STAC: variants seen among roughly 807,000 people sequenced by gnomAD.
The protein encoded by STAC is SH3 and cysteine rich domain.
In STAC, 43 loss-of-function variants were observed where a neutral mutation model predicts 48.8. The observed-to-expected ratio is 0.88, with a 90% CI of 0.69 to 1.14. The LOEUF is 1.14. Ranked by LOEUF, STAC falls within the 50% of genes most tolerant of loss-of-function variation. STAC has a pLI of 0.00. For missense variants in STAC, 497 were observed against 504.0 expected (o/e 0.99, Z 0.13); for synonymous variants, 193 against 179.5 (o/e 1.07, Z -0.60).
chr3:36,483,233 T>A lies in STAC; in HGVS notation c.489+141T>A, dbSNP rs1000487381. On this transcript the variant is annotated intron_variant, in intron 3 of 10. Transcript: ENST00000273183. Reference sequence around the variant, plus strand: ...ACTGGCTGCCAGCTTGGCTTCCTAATTGGCGTAATCAGAAAACAAGGACAA... The same window carrying A: ...ACTGGCTGCCAGCTTGGCTTCCTAAATGGCGTAATCAGAAAACAAGGACAA... 4.9e-6 allele frequency: 3 copies of A among 612,060 alleles called. No individual in the cohort carries two copies. In the African/African-American group the frequency reaches 5.6e-5, roughly 11 times the overall value. The allele number at this position is 612,060 out of a possible 1,614,324, so 37.9% of individuals were successfully genotyped here. A position where few individuals can be genotyped will look rare whatever the true frequency, so the allele number is the denominator to read the frequency against.
intron 2 of STAC, among the ~76,000 whole-genome samples, chr3:36,456,541 T>C (rs1224112800): frequency 1.3e-5 from 2 of 152,166 alleles, no homozygotes; most frequent in East Asian, 3.9e-4. Flanking sequence ...ATAGGGACCA[T>C]GCGAAGCTGC....
At chr3:36,466,026 T>G (rs1183975638) in intron 2 of STAC, among the ~76,000 whole-genome samples, 1 of 152,174 alleles carries the variant, frequency 6.6e-6, no homozygotes, top group African/African-American at 2.4e-5. Flanking sequence ...ATATTTATGG[T>G]TTCAGGTCTT....
chr3:36,534,297 T>A (rs1358151785), intron 10 of STAC, among the ~76,000 whole-genome samples: 1 of 152,156 alleles, frequency 6.6e-6, no homozygotes, highest in Non-Finnish European at 1.5e-5. Flanking sequence ...GCACAGTGCC[T>A]GGCCACCACA....
In STAC at chr3:36,443,796, T is replaced by C. The variant is rs1040237807; in HGVS notation, c.388+156T>C. On this transcript the variant is annotated intron_variant, in intron 2 of 10. Coordinates refer to ENST00000273183, the MANE Select transcript of STAC (RefSeq NM_003149.3). This position sits in a 1 kb window ranked among gnomAD's most constrained non-coding sequence, Gnocchi z 4.2. ...GGAGTGCTTTGGGGAACAATATTTG[T>C]GAGAAGGTAAGGGAAGCAGCACTGG... is the stretch of plus-strand genomic sequence containing the variant. Among the ~76,000 whole-genome samples the C allele has an allele frequency of 6.6e-6, 1 of 152,136 alleles. No homozygotes were observed. Among genetic ancestry groups the C allele is most frequent in the African/African-American group, 2.4e-5 (1 of 41,420 alleles).
intron 10 of STAC, among the ~76,000 whole-genome samples, chr3:36,539,790 T>C (rs1472355393): frequency 2.6e-5 from 4 of 152,222 alleles, no homozygotes; most frequent in African/African-American, 7.2e-5. Context: ...CTCTGAGACA[T>C]ACATGCATAT....
chr3:36,455,503 T>C (rs1696828424), intron 2 of STAC, among the ~76,000 whole-genome samples: 1 of 152,252 alleles, frequency 6.6e-6, no homozygotes, highest in South Asian at 2.1e-4. Context: ...TTCTTACTTC[T>C]GTGTGTAAAG....
intron 6 of STAC, among the ~76,000 whole-genome samples, chr3:36,502,702 A>C (rs991323207): frequency 3.9e-5 from 6 of 152,172 alleles, no homozygotes. Flanking sequence ...ATACTTAGGG[A>C]ATCAAGTGTT....
intron 2 of STAC, among the ~76,000 whole-genome samples, chr3:36,450,940 C>G (rs1696659126): frequency 1.3e-5 from 2 of 152,106 alleles, no homozygotes. Context: ...TTACACTCAG[C>G]CTTTTTTGTC....
intron 2 of STAC, among the ~76,000 whole-genome samples, chr3:36,470,251 C>T (rs563739443): frequency 1.1e-4 from 16 of 152,332 alleles, no homozygotes; most frequent in Middle Eastern, 3.4e-3. Flanking sequence ...TTTTGTCCCA[C>T]GGGGTGCTCC....
intron 8 of STAC, among the ~76,000 whole-genome samples, chr3:36,528,399 T>G (rs1448169068): frequency 2.0e-5 from 3 of 150,670 alleles, no homozygotes; most frequent in African/African-American, 7.3e-5. Context: ...AACCAGCGAG[T>G]CAGAGGTTGC....
At chr3:36,432,066 G>A (rs1268851457) in intron 1 of STAC, among the ~76,000 whole-genome samples, 4 of 152,142 alleles carry the variant, frequency 2.6e-5, no homozygotes, top group South Asian at 4.1e-4. Flanking sequence ...TTGTTACAGC[G>A]GCATCCACAT....
At chr3:36,420,674 C>T (rs891867954) in intron 1 of STAC, among the ~76,000 whole-genome samples, 29 of 152,202 alleles carry the variant, frequency 1.9e-4, no homozygotes, top group Non-Finnish European at 3.7e-4. Flanking sequence ...CCTCAATCCA[C>T]GGAAAAACTG....
intron 1 of STAC, chr3:36,409,599 T>C (rs1023138312): frequency 6.6e-6 from 1 of 152,212 alleles, no homozygotes; most frequent in Admixed American, 6.5e-5. Flanking sequence ...CCTGTAGTGC[T>C]GAGAGCAACA....
At chr3:36,406,228 C>T (rs950688671) in intron 1 of STAC, among the ~76,000 whole-genome samples, 2 of 152,206 alleles carry the variant, frequency 1.3e-5, no homozygotes, top group African/African-American at 4.8e-5. Flanking sequence ...TGGAGAATCA[C>T]ATGCAGGTAG....
At chr3:36,504,305 C>A in intron 6 of STAC, 88 bp from the exon 7 acceptor site, 1 of 1,244,340 alleles carries the variant, frequency 8.0e-7, no homozygotes, top group Non-Finnish European at 1.2e-6. Context: ...AGCTATGGTA[C>A]TTAGAATAAA....
chr3:36,532,026 G>T (rs1699084766), intron 10 of STAC, among the ~76,000 whole-genome samples: 1 of 152,054 alleles, frequency 6.6e-6, no homozygotes, highest in Non-Finnish European at 1.5e-5. Flanking sequence ...TTTGTCTTTT[G>T]AATCTAATAA....
chr3:36,503,384 A>G (rs144044739), intron 6 of STAC, among the ~76,000 whole-genome samples: 284 of 152,104 alleles, frequency 1.9e-3, no homozygotes, highest in African/African-American at 6.5e-3. Flanking sequence ...TGGGTATGTG[A>G]ACAATGAAAA....
chr3:36,500,966 GTC>G (rs1698268945), intron 6 of STAC, among the ~76,000 whole-genome samples: 1 of 152,024 alleles, frequency 6.6e-6, no homozygotes, highest in African/African-American at 2.4e-5. Flanking sequence ...GGTGGCATAT[GTC>G]TATAGTCCAG....
intron 1 of STAC, among the ~76,000 whole-genome samples, chr3:36,381,563 G>C (rs145282774): frequency 5.5e-4 from 84 of 151,900 alleles, no homozygotes; most frequent in Non-Finnish European, 1.1e-3. Flanking sequence ...AGAGCTCCTG[G>C]CTCTTTATTC....
Sources: gnomAD v4.1 joint callset for allele counts (sites outside exome capture counted in the v4.1 genomes callset) on GRCh38, gnomAD v4.1.1 for gene constraint, Gnocchi (gnomAD v3.1) non-coding constraint, MANE v1.5 for transcripts, NCBI Gene and HGNC (gene_info 2026-07-23, HGNC 2026-07-21) for gene names.